KCNIP4: variants seen among roughly 807,000 people sequenced by gnomAD.
The protein encoded by KCNIP4 is Kv channel-interacting protein 4.
KCNIP4 carries 12 observed loss-of-function variants against 34.0 expected under a neutral mutation model. The ratio of observed to expected loss-of-function variants is 0.35; its 90% CI spans 0.23 to 0.57. The LOEUF (loss-of-function observed/expected upper bound fraction) is 0.57. Among genes scored for constraint, KCNIP4 ranks in the 20% least tolerant of loss-of-function variants. The probability of loss-of-function intolerance (pLI) is 0.83; values close to 1 mark genes in which losing one functional copy is unlikely to be tolerated. For missense variants in KCNIP4, 238 were observed against 311.7 expected (o/e 0.76, Z 1.78); for synonymous variants, 124 against 102.2 (o/e 1.21, Z -1.29).
chr4:21,712,369 G>T (rs1016975556), intron 1 of KCNIP4, among the ~76,000 whole-genome samples: 2 of 152,178 alleles, frequency 1.3e-5, no homozygotes, highest in African/African-American at 2.4e-5. Flanking sequence ...GTTCTGTACA[G>T]TGTCTCCTCG....
intron 1 of KCNIP4, among the ~76,000 whole-genome samples, chr4:21,861,396 A>G (rs4696988): frequency 0.016 from 2,473 of 152,298 alleles, 164 homozygotes; most frequent in Admixed American, 0.11. Flanking sequence ...AGCTTTAAAA[A>G]TATTCCCAAC....
chr4:20,927,023 C>T (rs1315941501), intron 1 of KCNIP4, among the ~76,000 whole-genome samples: 2 of 152,118 alleles, frequency 1.3e-5, no homozygotes, highest in Non-Finnish European at 2.9e-5. Flanking sequence ...CTCTATCGCC[C>T]AGGCTGGAGT....
intron 1 of KCNIP4, among the ~76,000 whole-genome samples, chr4:21,209,143 T>C (rs1209424547): frequency 6.6e-6 from 1 of 152,198 alleles, no homozygotes; most frequent in African/African-American, 2.4e-5. Context: ...AACTAACACA[T>C]AATAATTTAC....
At chr4:21,101,615 C>T (rs1560789) in intron 1 of KCNIP4, among the ~76,000 whole-genome samples, 44,211 of 151,914 alleles carry the variant, frequency 0.29, 7,088 homozygotes, top group African/African-American at 0.44. Context: ...ATGGGAGTGA[C>T]TATATGCACA....
intron 1 of KCNIP4, among the ~76,000 whole-genome samples, chr4:21,310,130 T>A (rs1712986289): frequency 6.6e-6 from 1 of 152,092 alleles, no homozygotes; most frequent in Non-Finnish European, 1.5e-5. Flanking sequence ...CCTCCCAGGT[T>A]CAAGCAGTTC....
chr4:21,111,196 C>T (rs1749134573), intron 1 of KCNIP4, among the ~76,000 whole-genome samples: 1 of 152,118 alleles, frequency 6.6e-6, no homozygotes, highest in African/African-American at 2.4e-5. Flanking sequence ...TGTTTCCCTG[C>T]TTTCAACAGT....
At chr4:21,711,722 T>G (rs1194842779) in intron 1 of KCNIP4, among the ~76,000 whole-genome samples, 8 of 152,178 alleles carry the variant, frequency 5.3e-5, no homozygotes, top group African/African-American at 1.9e-4. Context: ...AAAAGTAACA[T>G]GCAGACAAAA....
chr4:21,697,672 A>C (rs1340453476), intron 1 of KCNIP4: 2 of 1,276,738 alleles, frequency 1.6e-6, no homozygotes, highest in Non-Finnish European at 2.0e-6. Flanking sequence ...ACGGCTTCTC[A>C]GTGTGGTGAC....
chr4:20,811,612 C>T (rs1715778914), intron 3 of KCNIP4, among the ~76,000 whole-genome samples: 1 of 152,114 alleles, frequency 6.6e-6, no homozygotes, highest in African/African-American at 2.4e-5. Flanking sequence ...GAATGGCATG[C>T]TAAGGAGTTT....
At chr4:20,949,124 T>C (rs1200796957) in intron 1 of KCNIP4, among the ~76,000 whole-genome samples, 1 of 152,178 alleles carries the variant, frequency 6.6e-6, no homozygotes, top group Non-Finnish European at 1.5e-5. Context: ...ACAGCTCTTC[T>C]GAATAAGTGA....
At chr4:21,109,715 A>G (rs1748980156) in intron 1 of KCNIP4, among the ~76,000 whole-genome samples, 1 of 152,138 alleles carries the variant, frequency 6.6e-6, no homozygotes, top group Admixed American at 6.5e-5. Context: ...GGAGCTGTAG[A>G]CCGGAGCTGT....
chr4:21,884,584 C>T (rs961740243), intron 1 of KCNIP4, among the ~76,000 whole-genome samples: 1 of 151,688 alleles, frequency 6.6e-6, no homozygotes, highest in Non-Finnish European at 1.5e-5. Flanking sequence ...TTGTTATTTA[C>T]AATCATCAAG....
chr4:21,528,333 T>C (rs1488291357), intron 1 of KCNIP4, among the ~76,000 whole-genome samples: 2 of 152,066 alleles, frequency 1.3e-5, no homozygotes, highest in African/African-American at 4.8e-5. Flanking sequence ...CGACAGTTCA[T>C]GTTGATTTCC....
At chr4:21,132,320 C>G (rs1751130463) in intron 1 of KCNIP4, among the ~76,000 whole-genome samples, 1 of 152,150 alleles carries the variant, frequency 6.6e-6, no homozygotes, top group African/African-American at 2.4e-5. Flanking sequence ...TAATACACCA[C>G]CCTATAAATC....
chr4:21,556,932 A>AAC lies in KCNIP4; in HGVS notation c.61+391638_61+391639insGT, dbSNP rs1178505292. On this transcript the variant is annotated intron_variant, in intron 1 of 8. Coordinates refer to ENST00000382152, the MANE Select transcript of KCNIP4 (RefSeq NM_025221.6). ...CAAGACTCCATCTCAGAAAAAAAAA[A>AAC]AAAAAAAAAAACCAGAAAACAAAAA... 1.1e-4 allele frequency among the ~76,000 whole-genome samples: 17 copies of AAC among 149,582 alleles called. 1 individual carries two copies. Among genetic ancestry groups the AAC allele is most frequent in the African/African-American group, 3.9e-4 (16 of 40,744 alleles).
intron 1 of KCNIP4, among the ~76,000 whole-genome samples, chr4:21,047,257 A>G (rs1000524007): frequency 6.6e-6 from 1 of 152,198 alleles, no homozygotes; most frequent in Non-Finnish European, 1.5e-5. Context: ...TATGTTTTTA[A>G]CAAGACTGAG....
At chr4:21,170,140 A>C (rs547543114) in intron 1 of KCNIP4, among the ~76,000 whole-genome samples, 1 of 152,234 alleles carries the variant, frequency 6.6e-6, no homozygotes, top group South Asian at 2.1e-4. Flanking sequence ...ATTTTTGGAA[A>C]TTGTTCTGAT....
At chr4:21,143,679 G>A (rs190773765) in intron 1 of KCNIP4, among the ~76,000 whole-genome samples, 2 of 151,620 alleles carry the variant, frequency 1.3e-5, no homozygotes, top group African/African-American at 4.8e-5. Context: ...TGGACCACTA[G>A]GCTTTGTTTA....
chr4:20,770,202 A>G (rs1023638356), intron 3 of KCNIP4, among the ~76,000 whole-genome samples: 4 of 152,088 alleles, frequency 2.6e-5, no homozygotes, highest in Admixed American at 1.3e-4. Context: ...ATCCACCACA[A>G]CTCGCAACTA....
Sources: allele counts gnomAD v4.1 joint callset (sites outside exome capture counted in the v4.1 genomes callset), GRCh38; gene constraint gnomAD v4.1.1; transcripts MANE v1.5; gene names NCBI Gene and HGNC (gene_info 2026-07-23, HGNC 2026-07-21).